Variants in REM1 observed in about 807,000 individuals in gnomAD.
REM1 encodes GTP-binding protein REM 1.
Under a neutral mutation model 27.0 loss-of-function variants are expected in REM1, and 20 were observed. The ratio of observed to expected loss-of-function variants is 0.74; its 90% CI spans 0.52 to 1.08. The LOEUF (loss-of-function observed/expected upper bound fraction) is 1.08. Ranked by LOEUF, REM1 falls within the 50% of genes least tolerant of loss-of-function variation. The pLI is 0.00. For missense variants in REM1, 405 were observed against 407.0 expected, an observed-to-expected ratio of 1.00 and a Z score of 0.04; for synonymous variants, 159 against 167.9, an observed-to-expected ratio of 0.95 and a Z score of 0.41.
At position 31,476,364 on chromosome 20, in the gene REM1, C is replaced by G; in HGVS notation, c.-82C>G. 2.7e-6 allele frequency: 3 copies of G among 1,109,566 alleles called. No individual in the cohort carries two copies. Among genetic ancestry groups the G allele is most frequent in the Middle Eastern group, 2.1e-4 (1 of 4,852 alleles). The allele number at this position is 1,109,566 out of a possible 1,614,324, so 68.7% of individuals were successfully genotyped here. ...CTCATCAGGACACTATAGAAAGAAG[C>G]AGCTCAAAGCAATTGGCTGACAGCC... On this transcript the variant is annotated 5_prime_UTR_variant, in exon 2 of 5. Transcript: ENST00000201979.
At chr20:31,483,705 C>T (rs1980806589) in intron 4 of REM1, among the ~76,000 whole-genome samples, 1 of 151,662 alleles carries the variant, frequency 6.6e-6, no homozygotes, top group Admixed American at 6.6e-5. Context: ...GTCACCAGCC[C>T]CTGAGGACTA....
chr20:31,484,298 C>T lies in REM1; in HGVS notation c.765C>T (p.Pro255=). 2.5e-6 allele frequency: 4 copies of T among 1,585,694 alleles called. No homozygotes were observed. Among genetic ancestry groups the T allele is most frequent in the Non-Finnish European group, 2.6e-6 (3 of 1,167,032 alleles). ...GCCGGGACAGTGCGGCCAAGGAACC[C>T]CCAGCACCCCGACGGCCGGCCAGCC... The part of the protein sequence containing the change: ...LRRRDSAAKE[P]PAPRRPASLA... Residue 255 remains proline, a synonymous_variant, in exon 5 of 5, where the codon CCC becomes CCT. Coordinates refer to ENST00000201979, the MANE Select transcript of REM1 (RefSeq NM_014012.6).
At chr20:31,477,005 A>T (rs568041091) in intron 2 of REM1, among the ~76,000 whole-genome samples, 1 of 152,328 alleles carries the variant, frequency 6.6e-6, no homozygotes, top group South Asian at 2.1e-4. Flanking sequence ...TCTTGAATAG[A>T]ACAAGAATTT....
At chr20:31,481,575 G>A (rs1050714195) in intron 3 of REM1, among the ~76,000 whole-genome samples, 1 of 152,080 alleles carries the variant, frequency 6.6e-6, no homozygotes, top group Non-Finnish European at 1.5e-5. Context: ...TCCAGACCAT[G>A]AGCTTTTGGA....
At chr20:31,480,899 AC>A (rs891580058) in intron 3 of REM1, among the ~76,000 whole-genome samples, 7 of 152,018 alleles carry the variant, frequency 4.6e-5, no homozygotes, top group African/African-American at 1.5e-4. Context: ...TTGAGAACTT[AC>A]CCCCCTTTGA....
intron 3 of REM1, 138 bp downstream of exon 3, chr20:31,478,048 C>G (rs1980587650): frequency 1.6e-6 from 1 of 621,928 alleles, no homozygotes; most frequent in African/African-American, 1.8e-5. Flanking sequence ...ACCCACAGCT[C>G]CTAAGCAGTC....
chr20:31,484,219 A>G lies in REM1; in HGVS notation c.686A>G (p.Gln229Arg), dbSNP rs1270804544. Residue 229 changes from glutamine (Q) to arginine (R), a missense_variant, in exon 5 of 5, where the codon CAG becomes CGG. Physicochemically the swap from Gln to Arg is conservative, Grantham distance 43 (BLOSUM62 1). Coordinates refer to ENST00000201979, the MANE Select transcript of REM1 (RefSeq NM_014012.6). ...TTCATCGAGACATCCGCCACGCTGC[A>G]GCACAATGTGGCCGAGCTCTTCGAG... ...CKFIETSATL[Q>R]HNVAELFEGV... is the part of the protein sequence containing the mutation. The G allele has an allele frequency of 2.5e-6, 4 of 1,609,980 alleles. No homozygotes were observed. Among genetic ancestry groups the G allele is most frequent in the East Asian group, 4.5e-5 (2 of 44,802 alleles).
intron 4 of REM1, 100 bp downstream of exon 4, chr20:31,482,588 C>A: frequency 1.7e-6 from 2 of 1,209,340 alleles, no homozygotes; most frequent in Non-Finnish European, 1.2e-6. Flanking sequence ...GCCAAGCTGC[C>A]CCTACCCTGC....
chr20:31,482,507 CA>C lies in REM1; in HGVS notation c.625+20del. 6.2e-7 allele frequency: 1 copy of C among 1,610,570 alleles called. No individual in the cohort carries two copies. The highest frequency in any genetic ancestry group is 8.5e-7 in the Non-Finnish European group (1 of 1,177,682). The stretch of plus-strand genomic sequence containing the variant: ...GTGGAAGGTGAGCCCTCCATCCCAC[CA>C]CCTCCTCTTCACCTGGGCCCCACTG... On this transcript the variant is annotated intron_variant, in intron 4 of 4. Transcript: ENST00000201979.
At chr20:31,481,172 C>T (rs1319020822) in intron 3 of REM1, among the ~76,000 whole-genome samples, 2 of 152,096 alleles carry the variant, frequency 1.3e-5, no homozygotes, top group Non-Finnish European at 2.9e-5. Context: ...ACTCAGGAAG[C>T]CGAGGCAGGA....
chr20:31,480,310 CT>C (rs1476896791), intron 3 of REM1, among the ~76,000 whole-genome samples: 8 of 151,624 alleles, frequency 5.3e-5, no homozygotes, highest in Non-Finnish European at 7.4e-5. Flanking sequence ...ACTTTTAGAG[CT>C]TCTTATTCTT....
chr20:31,483,208 G>A (rs942638847), intron 4 of REM1, among the ~76,000 whole-genome samples: 1 of 152,190 alleles, frequency 6.6e-6, no homozygotes, highest in Non-Finnish European at 1.5e-5. Context: ...GCTGATGCAT[G>A]AGAATCACTT....
chr20:31,482,321 G>T lies in REM1; in HGVS notation c.458G>T (p.Gly153Val). The T allele has an allele frequency of 1.2e-6, 2 of 1,614,142 alleles. No homozygotes were observed. The highest frequency in any genetic ancestry group is 1.7e-6 in the Non-Finnish European group (2 of 1,180,042). The change falls in exon 4 of 5, where the codon GGG becomes GTG. Residue 153 changes from glycine to valine, a missense_variant. Physicochemically the swap from Gly to Val is moderately radical, Grantham distance 109. Transcript: ENST00000201979. ...KSWSQESCLQ[G>V]GSAYVIVYSI... ...TGGAGCCAGGAGTCATGCCTGCAGG[G>T]GGGCAGTGCCTATGTCATCGTATAC...
chr20:31,480,557 A>G (rs529310115), intron 3 of REM1, among the ~76,000 whole-genome samples: 2 of 152,236 alleles, frequency 1.3e-5, no homozygotes, highest in Admixed American at 1.3e-4. Flanking sequence ...TCCTGACCTC[A>G]GGTGATCTGC....
At position 31,477,873 on chromosome 20, in the gene REM1, C is replaced by T; in HGVS notation, c.386C>T (p.Thr129Ile). 1 of 1,612,998 alleles carries T rather than the reference C, an allele frequency of 6.2e-7. No homozygotes were observed. Among genetic ancestry groups the T allele is most frequent in the Non-Finnish European group, 8.5e-7 (1 of 1,179,638 alleles). ...CTCACGGTGGATGGAGAAGACACCACACTGGTGGTCGTGGACACCTGGGAG... is the reference window on the plus strand; with the variant it reads ...CTCACGGTGGATGGAGAAGACACCATACTGGTGGTCGTGGACACCTGGGAG... Reference protein sequence around the residue: ...RTLTVDGEDTTLVVVDTWEAE... With the variant: ...RTLTVDGEDTILVVVDTWEAE... The change falls in exon 3 of 5, where the codon ACA becomes ATA. Residue 129 changes from threonine (T) to isoleucine (I), a missense_variant. By Grantham distance (89) the Thr-to-Ile change is moderately conservative (BLOSUM62 -1). Transcript: ENST00000201979.
In REM1 at chr20:31,483,479, TTTAA is replaced by T. The variant is rs140539741; in HGVS notation, c.626-677_626-674del. Among the ~76,000 whole-genome samples the T allele has an allele frequency of 2.6e-3, 402 of 152,284 alleles. 3 individuals carry two copies. Among genetic ancestry groups the T allele is most frequent in the African/African-American group, 9.0e-3 (376 of 41,558 alleles). ...ATTAGAAATTCAAATTTCTCAAAGC[TTTAA>T]TTGTCTGCAAAACATATTTTGTCAA... On this transcript the variant is annotated intron_variant, in intron 4 of 4. Transcript: ENST00000201979.
chr20:31,477,803 G>T, intron 2 of REM1, 25 bp from the exon 3 acceptor site: 1 of 1,599,782 alleles, frequency 6.3e-7, no homozygotes, highest in South Asian at 1.1e-5. Flanking sequence ...TCCTCCCTGA[G>T]ATCCAGCTCT....
intron 4 of REM1, among the ~76,000 whole-genome samples, chr20:31,483,447 G>GA (rs1323550211): frequency 6.6e-6 from 1 of 152,120 alleles, no homozygotes; most frequent in East Asian, 1.9e-4. Context: ...AAAATACAGT[G>GA]AAAAAAATTA....
At chr20:31,482,950 A>C (rs1980784776) in intron 4 of REM1, among the ~76,000 whole-genome samples, 1 of 152,278 alleles carries the variant, frequency 6.6e-6, no homozygotes, top group South Asian at 2.1e-4. Context: ...CTTTGGCAAC[A>C]CAGCAAGACC....
Sources: gnomAD v4.1 joint callset for allele counts (sites outside exome capture counted in the v4.1 genomes callset) on GRCh38, gnomAD v4.1.1 for gene constraint, MANE v1.5 for transcripts, NCBI Gene and HGNC (gene_info 2026-07-23, HGNC 2026-07-21) for gene names.